The following NTM variants were observed in gnomAD, a reference collection of about 807,000 sequenced individuals.
The protein encoded by NTM is IgLON family member 2.
In NTM, 13 loss-of-function variants were observed where a neutral mutation model predicts 42.1. The ratio of observed to expected loss-of-function variants is 0.31; its 90% CI spans 0.20 to 0.49. The LOEUF is 0.49. Among genes scored for constraint, NTM ranks in the 20% least tolerant of loss-of-function variants. The pLI is 0.99. For synonymous variants in NTM, 187 were observed against 179.2 expected, an observed-to-expected ratio of 1.04 and a Z score of -0.35; for missense variants, 373 against 452.8, an observed-to-expected ratio of 0.82 and a Z score of 1.60.
rs780844735 is a variant in NTM, at chr11:132,107,339, C to CTTT, written c.168-38916_168-38914dup. Among the ~76,000 whole-genome samples, 264 of 88,860 alleles carry CTTT rather than the reference C, an allele frequency of 3.0e-3. 39 individuals carry two copies. Among genetic ancestry groups the CTTT allele is most frequent in the African/African-American group, 0.011 (226 of 19,992 alleles). 58.3% of individuals were successfully genotyped at this position (88,860 alleles called of 152,430 possible). A position where few individuals can be genotyped will look rare whatever the true frequency, so the allele number is the denominator to read the frequency against. On this transcript the variant is annotated intron_variant, in intron 2 of 8. Transcript: ENST00000683400. ...TGGTAGTTCAAGTAAAAGATTTATC[C>CTTT]TTTTTTTTTTTTTTTTTTTTTTTTT...
intron 2 of NTM, among the ~76,000 whole-genome samples, chr11:132,139,445 G>A (rs1282467451): frequency 1.3e-5 from 2 of 152,208 alleles, no homozygotes; most frequent in African/African-American, 4.8e-5. Flanking sequence ...ACAAATCAAA[G>A]TGTTGTGCCA....
chr11:131,760,488 GGT>G (rs1294330390), intron 1 of NTM, among the ~76,000 whole-genome samples: 1 of 152,146 alleles, frequency 6.6e-6, no homozygotes, highest in African/African-American at 2.4e-5. Flanking sequence ...AAAAGTGCTG[GGT>G]GGGTGGTTTT....
intron 3 of NTM, among the ~76,000 whole-genome samples, chr11:132,187,670 G>A (rs1263405378): frequency 6.6e-6 from 1 of 152,136 alleles, no homozygotes; most frequent in Non-Finnish European, 1.5e-5. Flanking sequence ...ACAAAAGAAG[G>A]GAGAGATTTG....
At chr11:131,690,489 G>A (rs1302292760) in intron 1 of NTM, among the ~76,000 whole-genome samples, 2 of 152,170 alleles carry the variant, frequency 1.3e-5, no homozygotes, top group African/African-American at 2.4e-5. Context: ...CTTGCTGCAC[G>A]GGCTCAGCAT....
chr11:132,128,937 CAAAAAAAAAAAA>C lies in NTM; in HGVS notation c.168-17326_168-17315del, dbSNP rs66598841. On this transcript the variant is annotated intron_variant, in intron 2 of 8. Transcript: ENST00000683400. ...TGGGCGATAGAGCGAGACACCATCT[CAAAAAAAAAAAA>C]AAAAAAAAAAAAAAAAAAGAGGCTG... Among the ~76,000 whole-genome samples, 114 of 66,090 alleles carry C rather than the reference CAAAAAAAAAAAA, an allele frequency of 1.7e-3. 1 individual carries two copies. Among genetic ancestry groups the C allele is most frequent in the African/African-American group, 6.6e-3 (109 of 16,604 alleles). The allele number at this position is 66,090 out of a possible 152,430, so 43.4% of individuals were successfully genotyped here. A position where few individuals can be genotyped will look rare whatever the true frequency, so the allele number is the denominator to read the frequency against.
rs904515818 is a variant in NTM, at chr11:132,004,760, G to T, written c.167+93112G>T. Among the ~76,000 whole-genome samples, 5 of 152,124 alleles carry T rather than the reference G, an allele frequency of 3.3e-5. No individual in the cohort carries two copies. The East Asian group carries it at 7.8e-4, about 24-fold the overall frequency. On this transcript the variant is annotated intron_variant, in intron 2 of 8. Coordinates refer to ENST00000683400, the MANE Select transcript of NTM (RefSeq NM_001352005.2). ...TCATTCAGAGCTTCTGATGTTCATGGTACCTAGGGGATTGATTCAGCTTTC... is the reference window on the plus strand; with the variant it reads ...TCATTCAGAGCTTCTGATGTTCATGTTACCTAGGGGATTGATTCAGCTTTC...
chr11:131,794,978 G>A (rs779434485), intron 1 of NTM: 1 of 985,354 alleles, frequency 1.0e-6, no homozygotes, highest in Non-Finnish European at 1.2e-6. Context: ...TCACTGGAGG[G>A]GCAGCCTTGG....
At chr11:132,222,027 C>T (rs1029226140) in intron 4 of NTM, among the ~76,000 whole-genome samples, 1 of 152,180 alleles carries the variant, frequency 6.6e-6, no homozygotes, top group Non-Finnish European at 1.5e-5. Context: ...TGCACATTCT[C>T]ACAGCATTCT....
chr11:131,913,610 T>C (rs2055710065), intron 2 of NTM, among the ~76,000 whole-genome samples: 1 of 152,200 alleles, frequency 6.6e-6, no homozygotes. Context: ...GGTTCTTTTT[T>C]CTCATTCTGC....
intron 1 of NTM, among the ~76,000 whole-genome samples, chr11:131,501,519 A>G (rs1565570806): frequency 1.3e-5 from 2 of 152,194 alleles, no homozygotes; most frequent in Non-Finnish European, 2.9e-5. Context: ...TATTCTGAGC[A>G]TACTGGGAGC....
At chr11:132,149,342 A>G (rs1464458328) in intron 3 of NTM, among the ~76,000 whole-genome samples, 1 of 152,114 alleles carries the variant, frequency 6.6e-6, no homozygotes, top group Non-Finnish European at 1.5e-5. Context: ...TGAAGTTGCT[A>G]TTCAGCCCTG....
At chr11:132,296,713 A>C (rs1019262199) in intron 4 of NTM, among the ~76,000 whole-genome samples, 1 of 152,210 alleles carries the variant, frequency 6.6e-6, no homozygotes, top group African/African-American at 2.4e-5. Context: ...AGAAAGGCAC[A>C]GTAGTAGTGT....
At chr11:132,253,652 C>A (rs889670990) in intron 4 of NTM, among the ~76,000 whole-genome samples, 1 of 152,158 alleles carries the variant, frequency 6.6e-6, no homozygotes, top group African/African-American at 2.4e-5. Context: ...CTCAGGCTCA[C>A]GTGGCCAGCT....
At chr11:131,843,891 TTC>T (rs10560539) in intron 1 of NTM, among the ~76,000 whole-genome samples, 17,341 of 152,044 alleles carry the variant, frequency 0.11, 1,065 homozygotes, top group African/African-American at 0.14. Flanking sequence ...TGGGATTTTA[TTC>T]TCTTTTTTTT....
chr11:131,868,641 G>A lies in NTM; in HGVS notation c.83-42923G>A, dbSNP rs115461570. Among the ~76,000 whole-genome samples the A allele has an allele frequency of 5.6e-3, 854 of 152,238 alleles. 8 individuals carry two copies. Among genetic ancestry groups the A allele is most frequent in the African/African-American group, 0.02 (812 of 41,544 alleles). On this transcript the variant is annotated intron_variant, in intron 1 of 8. Transcript: ENST00000683400. ...CCAAACTGAGTTTCTTGCGATGTCC[G>A]TGCACACCCTGAGCTCTGTGTCACT...
intron 1 of NTM, among the ~76,000 whole-genome samples, chr11:131,683,549 G>C (rs571973078): frequency 1.3e-5 from 2 of 152,344 alleles, no homozygotes; most frequent in African/African-American, 4.8e-5. Flanking sequence ...TGCATGATAG[G>C]GTGGGTTTGT....
At chr11:131,779,216 C>T (rs897013387) in intron 1 of NTM, among the ~76,000 whole-genome samples, 1 of 152,172 alleles carries the variant, frequency 6.6e-6, no homozygotes, top group Non-Finnish European at 1.5e-5. Flanking sequence ...GATTCGAAAC[C>T]TCAGGTGAGA....
At chr11:132,172,145 C>T (rs988272678) in intron 3 of NTM, among the ~76,000 whole-genome samples, 1 of 152,200 alleles carries the variant, frequency 6.6e-6, no homozygotes, top group Non-Finnish European at 1.5e-5. Flanking sequence ...GTTTGGACCA[C>T]TCTTGGTCCA....
intron 3 of NTM, among the ~76,000 whole-genome samples, chr11:132,196,337 C>G (rs1349614460): frequency 6.6e-6 from 1 of 152,112 alleles, no homozygotes; most frequent in Non-Finnish European, 1.5e-5. Flanking sequence ...AACAGGTTTA[C>G]TCTGTTTGTT....
Sources: gnomAD v4.1 joint callset for allele counts (sites outside exome capture counted in the v4.1 genomes callset) on GRCh38, gnomAD v4.1.1 for gene constraint, MANE v1.5 for transcripts, NCBI Gene and HGNC (gene_info 2026-07-23, HGNC 2026-07-21) for gene names.